The following FGGY variants were observed in gnomAD, a reference collection of about 807,000 sequenced individuals.
FGGY encodes the protein FGGY carbohydrate kinase domain containing, also known as FGGY carbohydrate kinase domain-containing protein.
A neutral mutation model predicts 71.3 loss-of-function variants in FGGY; 72 were observed. The observed-to-expected ratio is 1.01, with a 90% confidence interval of 0.84 to 1.23. The LOEUF is 1.23. Ranked by LOEUF, FGGY falls within the 50% of genes most tolerant of loss-of-function variation. The probability of loss-of-function intolerance (pLI) is 0.00; values close to 1 mark genes in which losing one functional copy is unlikely to be tolerated. For synonymous variants in FGGY, 251 were observed against 250.3 expected (o/e 1.00, Z -0.02); for missense variants, 668 against 682.3 (o/e 0.98, Z 0.23).
At chr1:59,517,866 T>C (rs2153640315) in intron 7 of FGGY, among the ~76,000 whole-genome samples, 1 of 152,296 alleles carries the variant, frequency 6.6e-6, no homozygotes, top group Non-Finnish European at 1.5e-5. Context: ...GAGAGTAACC[T>C]CTCATTCAAA....
chr1:59,748,917 C>G (rs1356828098), intron 14 of FGGY, among the ~76,000 whole-genome samples: 5 of 152,170 alleles, frequency 3.3e-5, no homozygotes, highest in Admixed American at 6.5e-5. Context: ...GAGGGTTGAA[C>G]TTTCAGCCCC....
In FGGY at chr1:59,675,117, A is replaced by G. The variant is rs951612995; in HGVS notation, c.1512+984A>G. Among the ~76,000 whole-genome samples, 14 of 152,354 alleles carry G rather than the reference A, an allele frequency of 9.2e-5. No homozygotes were observed. The East Asian group carries it at 2.5e-3, about 27-fold the overall frequency. ...ATAACTTGGCCTAAATGAAACAGCT[A>G]GTAAATGCCAGAATCAAGAAGTCTG... is the stretch of plus-strand genomic sequence containing the variant. On this transcript the variant is annotated intron_variant, in intron 14 of 15. Coordinates refer to ENST00000303721, the MANE Select transcript of FGGY (RefSeq NM_018291.5).
chr1:59,359,711 G>C (rs2055046215), intron 4 of FGGY, among the ~76,000 whole-genome samples: 1 of 152,134 alleles, frequency 6.6e-6, no homozygotes, highest in Admixed American at 6.6e-5. Context: ...CTATGGATTA[G>C]ATAAACTTCA....
intron 2 of FGGY, among the ~76,000 whole-genome samples, chr1:59,334,437 C>T (rs2049077645): frequency 6.6e-6 from 1 of 152,148 alleles, no homozygotes; most frequent in Non-Finnish European, 1.5e-5. Context: ...AGCCATTGCA[C>T]CCGGCCCCCA....
At chr1:59,656,577 G>C (rs1366525467) in intron 11 of FGGY, among the ~76,000 whole-genome samples, 1 of 152,216 alleles carries the variant, frequency 6.6e-6, no homozygotes, top group African/African-American at 2.4e-5. Flanking sequence ...AAGGACCTCA[G>C]ACCACAGTGT....
intron 1 of FGGY, among the ~76,000 whole-genome samples, chr1:59,314,626 A>G (rs1193359851): frequency 6.6e-6 from 1 of 152,210 alleles, no homozygotes. Flanking sequence ...CTGGTTTCCT[A>G]TTCTGAATAG....
At chr1:59,659,587 A>G (rs374156865) in intron 11 of FGGY, among the ~76,000 whole-genome samples, 38 of 152,340 alleles carry the variant, frequency 2.5e-4, no homozygotes, top group African/African-American at 8.9e-4. Context: ...GAGACATGAA[A>G]GCAGGACTGT....
At chr1:59,715,027 T>C (rs764019879) in intron 14 of FGGY, among the ~76,000 whole-genome samples, 1 of 152,152 alleles carries the variant, frequency 6.6e-6, no homozygotes, top group African/African-American at 2.4e-5. Context: ...ATGCCCTTTG[T>C]TTCCCCCTTT....
At chr1:59,498,611 G>A (rs923874922) in intron 6 of FGGY, among the ~76,000 whole-genome samples, 1 of 152,092 alleles carries the variant, frequency 6.6e-6, no homozygotes, top group Non-Finnish European at 1.5e-5. Context: ...TGCTTCAGTA[G>A]GTCTAGGGTG....
At chr1:59,453,895 T>C (rs1294462270) in intron 5 of FGGY, among the ~76,000 whole-genome samples, 1 of 152,136 alleles carries the variant, frequency 6.6e-6, no homozygotes, top group Non-Finnish European at 1.5e-5. Flanking sequence ...GAGGGTGCAG[T>C]ACTACAAAGT....
chr1:59,475,853 C>G (rs1381258349), intron 6 of FGGY, among the ~76,000 whole-genome samples: 1 of 152,156 alleles, frequency 6.6e-6, no homozygotes, highest in Non-Finnish European at 1.5e-5. Context: ...ACACAGCAGC[C>G]AGAGTGATAT....
chr1:59,759,489 C>T (rs1168317340), intron 15 of FGGY, among the ~76,000 whole-genome samples: 1 of 152,228 alleles, frequency 6.6e-6, no homozygotes, highest in Non-Finnish European at 1.5e-5. Flanking sequence ...TTCTCCATCT[C>T]TTCCCTGACC....
intron 8 of FGGY, among the ~76,000 whole-genome samples, chr1:59,598,558 T>C (rs2096545420): frequency 6.6e-6 from 1 of 152,098 alleles, no homozygotes; most frequent in East Asian, 1.9e-4. Flanking sequence ...ACCTGCTCAG[T>C]GCCCTCCCCA....
chr1:59,371,568 C>G (rs1009985386), intron 4 of FGGY, among the ~76,000 whole-genome samples: 7 of 152,202 alleles, frequency 4.6e-5, no homozygotes, highest in Non-Finnish European at 1.0e-4. Context: ...TAATAGACAT[C>G]CACAGAACTC....
chr1:59,365,595 C>T (rs1392640391), intron 4 of FGGY, among the ~76,000 whole-genome samples: 2 of 152,206 alleles, frequency 1.3e-5, no homozygotes, highest in Admixed American at 1.3e-4. Flanking sequence ...AAACATTGGG[C>T]TGGGCATTAG....
intron 8 of FGGY, among the ~76,000 whole-genome samples, chr1:59,599,183 AACCTCC>A (rs2096552348): frequency 6.6e-6 from 1 of 152,070 alleles, no homozygotes; most frequent in Non-Finnish European, 1.5e-5. Flanking sequence ...GGCTTACTGT[AACCTCC>A]ACCTCCTGGG....
At chr1:59,667,099 T>A (rs2097332688) in intron 12 of FGGY, among the ~76,000 whole-genome samples, 184 bp from the exon 13 acceptor site, 2 of 152,208 alleles carry the variant, frequency 1.3e-5, no homozygotes, top group African/African-American at 4.8e-5. Context: ...AACTTGAAAT[T>A]CCCACTCTGC....
chr1:59,359,063 C>T (rs1275101979), intron 4 of FGGY, among the ~76,000 whole-genome samples: 5 of 152,224 alleles, frequency 3.3e-5, no homozygotes, highest in African/African-American at 4.8e-5. Flanking sequence ...CTTTATCACA[C>T]AGGTACCCCT....
chr1:59,699,229 C>A (rs2097689671), intron 14 of FGGY: 1 of 984,824 alleles, frequency 1.0e-6, no homozygotes, highest in South Asian at 4.7e-5. Flanking sequence ...TTTTTTCTGG[C>A]TAAAAAATGA....
Sources: allele counts gnomAD v4.1 joint callset (sites outside exome capture counted in the v4.1 genomes callset), GRCh38; gene constraint gnomAD v4.1.1; transcripts MANE v1.5; gene names NCBI Gene and HGNC (gene_info 2026-07-23, HGNC 2026-07-21).